RALYL: variants seen among roughly 807,000 people sequenced by gnomAD.
The protein encoded by RALYL is RNA-binding Raly-like protein.
Under a neutral mutation model 35.1 loss-of-function variants are expected in RALYL, and 29 were observed. The ratio of observed to expected loss-of-function variants is 0.83; its 90% CI spans 0.61 to 1.13. RALYL has a LOEUF of 1.13. RALYL is among the 50% of genes most tolerant of loss of function. RALYL has a pLI of 0.00. For synonymous variants in RALYL, 120 were observed against 127.6 expected (o/e 0.94, Z 0.40); for missense variants, 359 against 360.4 (o/e 1.00, Z 0.03).
chr8:84,203,769 T>C (rs1012990542), intron 1 of RALYL, among the ~76,000 whole-genome samples: 4 of 152,164 alleles, frequency 2.6e-5, no homozygotes, highest in African/African-American at 9.6e-5. Context: ...TTCTTAAAGA[T>C]AGGTATTGTG....
At chr8:84,338,449 G>A (rs574594857) in intron 1 of RALYL, among the ~76,000 whole-genome samples, 39 of 150,308 alleles carry the variant, frequency 2.6e-4, no homozygotes, top group African/African-American at 9.5e-4. Context: ...GATAAAATTA[G>A]CTGTGGTACT....
Position 84,351,743 on chromosome 8 carries a change from T to TGG in RALYL, c.-24+167320_-24+167321dup, listed in dbSNP as rs533875007. Among the ~76,000 whole-genome samples, 162 of 150,502 alleles carry TGG rather than the reference T, an allele frequency of 1.1e-3. 5 individuals carry two copies. In the South Asian group the frequency reaches 0.032, roughly 30 times the overall value. On this transcript the variant is annotated intron_variant, in intron 1 of 8. Coordinates refer to ENST00000521268, the MANE Select transcript of RALYL (RefSeq NM_173848.7). ...GGGGTGCACAATCAGTGGTACAGTA[T>TGG]GGTTGTTCCATAACTTTATTAAAAG...
chr8:84,274,556 T>C (rs1834980866), intron 1 of RALYL, among the ~76,000 whole-genome samples: 11 of 152,106 alleles, frequency 7.2e-5, no homozygotes, highest in Admixed American at 7.2e-4. Context: ...GAGTCTTTTT[T>C]GGGCAATAAA....
At chr8:84,636,727 G>T (rs78536754) in intron 2 of RALYL, among the ~76,000 whole-genome samples, 1,570 of 151,768 alleles carry the variant, frequency 0.01, 33 homozygotes, top group African/African-American at 0.035. Flanking sequence ...TTTTAGACTG[G>T]TTTCTTTTTG....
chr8:84,799,815 G>T (rs1443472289), intron 3 of RALYL, among the ~76,000 whole-genome samples: 1 of 152,098 alleles, frequency 6.6e-6, no homozygotes, highest in African/African-American at 2.4e-5. Context: ...AATTAACCAG[G>T]CGTGGTGGCA....
intron 8 of RALYL, among the ~76,000 whole-genome samples, chr8:84,910,762 GT>G (rs1202282792): frequency 6.6e-6 from 1 of 151,228 alleles, no homozygotes; most frequent in Non-Finnish European, 1.5e-5. Context: ...AATATCATCT[GT>G]TTTTTTAAAT....
chr8:84,195,370 G>A (rs1815004508), intron 1 of RALYL, among the ~76,000 whole-genome samples: 1 of 152,064 alleles, frequency 6.6e-6, no homozygotes, highest in Admixed American at 6.6e-5. Flanking sequence ...AACCTGGGAG[G>A]CAGAGGTTGC....
chr8:84,360,256 C>G (rs1487268492), intron 1 of RALYL, among the ~76,000 whole-genome samples: 1 of 152,098 alleles, frequency 6.6e-6, no homozygotes, highest in Non-Finnish European at 1.5e-5. Context: ...GCAGCTAATG[C>G]TAGAATTTTG....
intron 1 of RALYL, among the ~76,000 whole-genome samples, chr8:84,234,023 G>A (rs886925267): frequency 6.6e-6 from 1 of 151,792 alleles, no homozygotes; most frequent in Non-Finnish European, 1.5e-5. Flanking sequence ...TGATTGTCTT[G>A]CCTTCCTTTC....
intron 1 of RALYL, among the ~76,000 whole-genome samples, chr8:84,454,072 C>A (rs2049845143): frequency 6.6e-6 from 1 of 151,988 alleles, no homozygotes; most frequent in Non-Finnish European, 1.5e-5. Context: ...AGTAATGCAT[C>A]TTTGGTATCA....
intron 4 of RALYL, among the ~76,000 whole-genome samples, chr8:84,848,437 G>GTATA (rs34063344): frequency 0.36 from 53,240 of 148,250 alleles, 11,548 homozygotes; most frequent in South Asian, 0.54. Context: ...GTGTGTGTGT[G>GTATA]TATATATATA....
intron 1 of RALYL, among the ~76,000 whole-genome samples, chr8:84,310,375 C>A (rs1486237871): frequency 6.6e-6 from 1 of 151,442 alleles, no homozygotes; most frequent in African/African-American, 2.4e-5. Flanking sequence ...ATTGGCTAAC[C>A]CAACAGAGAA....
intron 1 of RALYL, among the ~76,000 whole-genome samples, chr8:84,496,961 C>A (rs945397306): frequency 5.9e-5 from 9 of 152,096 alleles, no homozygotes; most frequent in African/African-American, 1.9e-4. Flanking sequence ...TCTAAAGAAG[C>A]TAAACATATG....
In RALYL at chr8:84,753,104, A is replaced by G. The variant is rs1426238366; in HGVS notation, c.257-21475A>G. Reference sequence around the variant, plus strand: ...AAACTGTCCAAAGCCTTGGAAATCCACCCCTTGCATCAGTGTACCCTGAAT... The same window carrying G: ...AAACTGTCCAAAGCCTTGGAAATCCGCCCCTTGCATCAGTGTACCCTGAAT... On this transcript the variant is annotated intron_variant, in intron 2 of 8. Transcript: ENST00000521268. Among the ~76,000 whole-genome samples, 4 of 152,062 alleles carry G rather than the reference A, an allele frequency of 2.6e-5. No individual in the cohort carries two copies. The East Asian group carries it at 7.7e-4, about 29-fold the overall frequency.
At chr8:84,811,371 G>T (rs925868927) in intron 4 of RALYL, among the ~76,000 whole-genome samples, 1 of 152,146 alleles carries the variant, frequency 6.6e-6, no homozygotes, top group Non-Finnish European at 1.5e-5. Flanking sequence ...TAGGGTTTCT[G>T]CTGAGAAATC....
intron 1 of RALYL, among the ~76,000 whole-genome samples, chr8:84,438,477 C>T (rs187997955): frequency 1.3e-5 from 2 of 152,260 alleles, no homozygotes; most frequent in African/African-American, 4.8e-5. Flanking sequence ...CAACCTCCAC[C>T]TCCTGGGCTC....
At chr8:84,613,137 A>G (rs549026522) in intron 2 of RALYL, among the ~76,000 whole-genome samples, 59 of 151,784 alleles carry the variant, frequency 3.9e-4, no homozygotes, top group South Asian at 3.5e-3. Context: ...CAATTTCAAT[A>G]TAAAAAATTT....
intron 5 of RALYL, among the ~76,000 whole-genome samples, chr8:84,858,165 G>A (rs925383333): frequency 1.3e-5 from 2 of 151,906 alleles, no homozygotes; most frequent in Non-Finnish European, 2.9e-5. Flanking sequence ...ATTATTTAAA[G>A]CATTAAAAGG....
In RALYL at chr8:84,610,850, C is replaced by T. The variant is rs184525428; in HGVS notation, c.256+81273C>T. 2.8e-3 allele frequency among the ~76,000 whole-genome samples: 421 copies of T among 152,174 alleles called. 2 individuals are homozygous for T. Among genetic ancestry groups the T allele is most frequent in the African/African-American group, 8.8e-3 (365 of 41,534 alleles). On this transcript the variant is annotated intron_variant, in intron 2 of 8. Coordinates refer to ENST00000521268, the MANE Select transcript of RALYL (RefSeq NM_173848.7). ...TCCTTCAGTGGGTTCCTGTGCACTT[C>T]GACGTCTCTCCGTCAATGTACATGT...
Sources: allele counts gnomAD v4.1 joint callset (sites outside exome capture counted in the v4.1 genomes callset), GRCh38; gene constraint gnomAD v4.1.1; transcripts MANE v1.5; gene names NCBI Gene and HGNC (gene_info 2026-07-23, HGNC 2026-07-21).